PHLPP2: variants seen among roughly 807,000 people sequenced by gnomAD.
PHLPP2 encodes the protein PH domain leucine-rich repeat-containing protein phosphatase 2.
A neutral mutation model predicts 124.9 loss-of-function variants in PHLPP2; 66 were observed. The ratio of observed to expected loss-of-function variants is 0.53; its 90% CI spans 0.43 to 0.65. The LOEUF (loss-of-function observed/expected upper bound fraction) is 0.65, where lower values mean the gene tolerates loss of function less well. Among genes scored for constraint, PHLPP2 ranks in the 30% least tolerant of loss-of-function variants. PHLPP2 has a pLI of 0.00. For synonymous variants in PHLPP2, 681 were observed against 624.7 expected, an observed-to-expected ratio of 1.09 and a Z score of -1.34; for missense variants, 1,685 against 1,600.4, an observed-to-expected ratio of 1.05 and a Z score of -0.90.
At chr16:71,708,458 C>T (rs2145376612) in intron 2 of PHLPP2, among the ~76,000 whole-genome samples, 1 of 152,286 alleles carries the variant, frequency 6.6e-6, no homozygotes. Flanking sequence ...CTGCCCCACC[C>T]CATCTCCCTT....
intron 9 of PHLPP2, among the ~76,000 whole-genome samples, chr16:71,675,693 G>A (rs1015008503): frequency 6.6e-6 from 1 of 152,150 alleles, no homozygotes; most frequent in African/African-American, 2.4e-5. Context: ...GAATTTCATA[G>A]TAATTTTCAC....
intron 12 of PHLPP2, chr16:71,666,198 AAAAAAGAAAAG>A (rs1335935598): frequency 6.6e-6 from 1 of 152,218 alleles, no homozygotes; most frequent in Non-Finnish European, 1.5e-5. Context: ...CCGTATTAAA[AAAAAAGAAAAG>A]AAAAAGAAAA....
Position 71,657,568 on chromosome 16 carries a change from G to C in PHLPP2, c.2279+665C>G, listed in dbSNP as rs370459197. ...CGCCACCTCGCCCGGCTAATTTTTT[G>C]TATTTTTAGTAGAGACGGGGTTTCA... On this transcript the variant is annotated intron_variant, in intron 15 of 18. Coordinates refer to ENST00000568954, the MANE Select transcript of PHLPP2 (RefSeq NM_015020.3). Among the ~76,000 whole-genome samples the C allele has an allele frequency of 3.5e-4, 52 of 150,586 alleles. No homozygotes were observed. The South Asian group carries it at 3.6e-3, about 10-fold the overall frequency.
rs2145295689 is a variant in PHLPP2, at chr16:71,645,375, T to A, written c.*3515A>T. On this transcript the variant is annotated 3_prime_UTR_variant, in exon 19 of 19. Coordinates refer to ENST00000568954, the MANE Select transcript of PHLPP2 (RefSeq NM_015020.3). ...CTTCATGATTGGGAGTCGGAAAGCC[T>A]CCACCCAGAAGGAAGTAAAAAGTGA... The A allele has an allele frequency of 6.5e-6, 1 of 153,630 alleles. No homozygotes were observed. Among genetic ancestry groups the A allele is most frequent in the African/African-American group, 2.4e-5 (1 of 41,556 alleles). 9.5% of individuals were successfully genotyped at this position (153,630 alleles called of 1,614,324 possible).
chr16:71,703,565 C>T (rs541910678), intron 2 of PHLPP2, among the ~76,000 whole-genome samples: 1 of 152,064 alleles, frequency 6.6e-6, no homozygotes, highest in East Asian at 1.9e-4. Context: ...GTCATAATAG[C>T]AAGACAGCTC....
chr16:71,672,365 A>G, intron 9 of PHLPP2, 43 bp from the exon 10 acceptor site: 1 of 1,386,204 alleles, frequency 7.2e-7, no homozygotes, highest in African/African-American at 1.4e-5. Flanking sequence ...CCTCTAAAAA[A>G]GAAAGTAACT....
chr16:71,717,713 A>G (rs2045372196), intron 1 of PHLPP2, among the ~76,000 whole-genome samples: 1 of 152,236 alleles, frequency 6.6e-6, no homozygotes, highest in Non-Finnish European at 1.5e-5. Context: ...ATCTGAAAAC[A>G]GTATTCCATA....
intron 11 of PHLPP2, among the ~76,000 whole-genome samples, chr16:71,668,830 A>T (rs868851683): frequency 3.1e-4 from 47 of 152,324 alleles, no homozygotes; most frequent in African/African-American, 1.1e-3. Flanking sequence ...ACCTTCAACA[A>T]GTTACCTAAC....
chr16:71,682,708 G>A (rs958867807), intron 5 of PHLPP2, among the ~76,000 whole-genome samples: 20 of 152,128 alleles, frequency 1.3e-4, no homozygotes, highest in Admixed American at 3.3e-4. Context: ...CAGAAGAATG[G>A]AATAGGTACT....
Position 71,648,699 on chromosome 16 carries a change from G to C in PHLPP2, c.*191C>G, listed in dbSNP as rs1018519875. On this transcript the variant is annotated 3_prime_UTR_variant, in exon 19 of 19. Transcript: ENST00000568954. ...AGACAGGAGAATGGCTTGAACCCAG[G>C]GACAGAGGCTGCAGTGACCCGAGAC... 3.5e-6 allele frequency: 2 copies of C among 573,738 alleles called. No homozygotes were observed. The highest frequency in any genetic ancestry group is 6.2e-6 in the Non-Finnish European group (2 of 323,966). 35.5% of individuals were successfully genotyped at this position (573,738 alleles called of 1,614,324 possible). A position where few individuals can be genotyped will look rare whatever the true frequency, so the allele number is the denominator to read the frequency against.
In PHLPP2 at chr16:71,681,748, T is replaced by C; in HGVS notation, c.890+3A>G. The C allele has an allele frequency of 6.2e-7, 1 of 1,607,060 alleles. No individual in the cohort carries two copies. The highest frequency in any genetic ancestry group is 8.5e-7 in the Non-Finnish European group (1 of 1,176,690). On this transcript the variant is annotated splice_donor_region_variant and intron_variant, in intron 6 of 18. Coordinates refer to ENST00000568954, the MANE Select transcript of PHLPP2 (RefSeq NM_015020.3). ...TTAGTCTGGAAACCCATTCTCCACA[T>C]ACTTGTAGAGTGTATCGAGGCCTCC...
In PHLPP2 at chr16:71,656,642, TG is replaced by T; in HGVS notation, c.2318del (p.Pro773GlnfsTer68). ...TTLKIDQKPL[P>X]TTDSTVTSTF... ...TTGACGTAACTGTAGAATCTGTGGT[TG>T]GCAAAGGTTTCTGATCAATTTTCAG... On this transcript the variant is annotated frameshift_variant, in exon 16 of 19. Transcript: ENST00000568954. LOFTEE classifies it high-confidence loss of function. 1 of 1,613,704 alleles carries T rather than the reference TG, an allele frequency of 6.2e-7. No homozygotes were observed. The highest frequency in any genetic ancestry group is 2.2e-5 in the East Asian group (1 of 44,874).
At chr16:71,689,700 G>C (rs1042534356) in intron 4 of PHLPP2, among the ~76,000 whole-genome samples, 13 of 151,838 alleles carry the variant, frequency 8.6e-5, no homozygotes, top group African/African-American at 3.1e-4. Context: ...ACCCGGCCAA[G>C]ACAGGGTCTT....
At chr16:71,708,125 A>C (rs540424444) in intron 2 of PHLPP2, among the ~76,000 whole-genome samples, 86 of 151,936 alleles carry the variant, frequency 5.7e-4, no homozygotes, top group Non-Finnish European at 9.9e-4. Flanking sequence ...TTATCTCTCC[A>C]TACCACCCCC....
chr16:71,661,241 T>G (rs993762586), intron 13 of PHLPP2, among the ~76,000 whole-genome samples: 2 of 151,910 alleles, frequency 1.3e-5, no homozygotes, highest in African/African-American at 4.8e-5. Context: ...CAGCTGATTT[T>G]TGTATTTTTA....
Position 71,678,339 on chromosome 16 carries a change from C to T in PHLPP2, c.1268+416G>A, listed in dbSNP as rs117737385. The T allele has an allele frequency of 5.4e-3, 957 of 177,002 alleles. 3 individuals are homozygous for T. The highest frequency in any genetic ancestry group is 0.034 in the Middle Eastern group (12 of 354). 11.0% of individuals were successfully genotyped at this position (177,002 alleles called of 1,614,324 possible). A position where few individuals can be genotyped will look rare whatever the true frequency, so the allele number is the denominator to read the frequency against. On this transcript the variant is annotated intron_variant, in intron 8 of 18. Transcript: ENST00000568954. ...ACCTTTGAAAACATATATTTCTACA[C>T]TATTCAAAAAACCTAAAGTTATGGG...
intron 3 of PHLPP2, among the ~76,000 whole-genome samples, chr16:71,697,217 A>AGAAAG (rs397854634): frequency 6.6e-6 from 1 of 150,634 alleles, no homozygotes; most frequent in African/African-American, 2.4e-5. Context: ...TAAATAAATA[A>AGAAAG]AAAGAAACTC....
At chr16:71,672,138 CT>C in intron 10 of PHLPP2, 123 bp downstream of exon 10, 5 of 698,366 alleles carry the variant, frequency 7.2e-6, no homozygotes, top group Non-Finnish European at 7.6e-6. Flanking sequence ...ATCCTTTCTC[CT>C]TTTTCCAGGT....
At chr16:71,674,704 TCCTAC>T (rs1359743282) in intron 9 of PHLPP2, among the ~76,000 whole-genome samples, 1 of 152,092 alleles carries the variant, frequency 6.6e-6, no homozygotes, top group African/African-American at 2.4e-5. Flanking sequence ...CTATTAATAA[TCCTAC>T]TTTTAGGCCG....
Sources: gnomAD v4.1 joint callset for allele counts (sites outside exome capture counted in the v4.1 genomes callset) on GRCh38, gnomAD v4.1.1 for gene constraint, MANE v1.5 for transcripts, NCBI Gene and HGNC (gene_info 2026-07-23, HGNC 2026-07-21) for gene names.